The following NIPAL3 variants were observed in gnomAD, a reference collection of about 807,000 sequenced individuals.
The protein encoded by NIPAL3 is NIPA like domain containing 3.
Under a neutral mutation model 47.2 loss-of-function variants are expected in NIPAL3, and 41 were observed. The observed-to-expected ratio is 0.87, with a 90% CI of 0.68 to 1.13. The LOEUF is 1.13. Ranked by LOEUF, NIPAL3 falls within the 50% of genes most tolerant of loss-of-function variation. NIPAL3 has a pLI of 0.00. For synonymous variants in NIPAL3, 194 were observed against 209.6 expected (o/e 0.93, Z 0.64); for missense variants, 449 against 530.1 (o/e 0.85, Z 1.50).
intron 5 of NIPAL3, 107 bp downstream of exon 5, chr1:24,445,351 C>G: frequency 1.3e-6 from 1 of 783,252 alleles, no homozygotes; most frequent in Non-Finnish European, 2.1e-6. Context: ...CTGCTGTCCT[C>G]TGTGGTTCTA....
At chr1:24,427,712 T>G (rs1644660026) in intron 2 of NIPAL3, among the ~76,000 whole-genome samples, 1 of 152,120 alleles carries the variant, frequency 6.6e-6, no homozygotes, top group Non-Finnish European at 1.5e-5. Flanking sequence ...TCTCATAGTG[T>G]TGTTTGTGGC....
In NIPAL3 at chr1:24,454,205, A is replaced by C; in HGVS notation, c.637+701A>C. On this transcript the variant is annotated intron_variant, in intron 7 of 11. Transcript: ENST00000374399. The surrounding 1 kb of genome is among the most constrained non-coding windows in gnomAD (Gnocchi z 4.1). The stretch of plus-strand genomic sequence containing the variant: ...CTGTACCTGGCTAGAACTGCATATA[A>C]TTTTATAGCTAAATAGAGCTGTGGG... 1 of 1,195,092 alleles carries C rather than the reference A, an allele frequency of 8.4e-7. No individual in the cohort carries two copies. The highest frequency in any genetic ancestry group is 5.9e-5 in the East Asian group (1 of 16,862). The allele number at this position is 1,195,092 out of a possible 1,614,324, so 74.0% of individuals were successfully genotyped here.
At position 24,451,970 on chromosome 1, in the gene NIPAL3, C is replaced by A. The variant is rs139466678; in HGVS notation, c.541-1438C>A. Among the ~76,000 whole-genome samples the A allele has an allele frequency of 6.6e-6, 1 of 152,156 alleles. No individual in the cohort carries two copies. Among genetic ancestry groups the A allele is most frequent in the Middle Eastern group, 3.4e-3 (1 of 294 alleles). On this transcript the variant is annotated intron_variant, in intron 6 of 11. Transcript: ENST00000374399. The surrounding 1 kb of genome is among the most constrained non-coding windows in gnomAD (Gnocchi z 4.5). ...CACTGGAACAAAGACAAAGAAGAAA[C>A]GGGGAAATGAAAGCAGCTGTGTTTT...
chr1:24,429,790 A>G (rs533354325), intron 2 of NIPAL3, among the ~76,000 whole-genome samples: 1 of 152,308 alleles, frequency 6.6e-6, no homozygotes, highest in African/African-American at 2.4e-5. Context: ...ATTGCAATTC[A>G]GTTTGCTTAC....
At chr1:24,423,023 C>G (rs1644404045) in intron 2 of NIPAL3, among the ~76,000 whole-genome samples, 1 of 152,220 alleles carries the variant, frequency 6.6e-6, no homozygotes, top group Admixed American at 6.5e-5. Flanking sequence ...CCTTGTGCCC[C>G]TGCTAGTCAC....
At chr1:24,422,149 C>T (rs533163278) in intron 2 of NIPAL3, 39 of 152,368 alleles carry the variant, frequency 2.6e-4, no homozygotes, top group African/African-American at 5.8e-4. Flanking sequence ...GACTCTGCCT[C>T]ACCAAGCAAA....
intron 2 of NIPAL3, 40 bp from the exon 3 acceptor site, chr1:24,440,132 G>C (rs765673765): frequency 6.7e-7 from 1 of 1,490,714 alleles, no homozygotes; most frequent in Non-Finnish European, 9.0e-7. Context: ...CCCCTGGCTT[G>C]TGCCCAAATC....
chr1:24,430,068 A>G (rs1434262772), intron 2 of NIPAL3, among the ~76,000 whole-genome samples: 1 of 152,188 alleles, frequency 6.6e-6, no homozygotes, highest in Non-Finnish European at 1.5e-5. Context: ...TTTAAAAATT[A>G]ATTTCTGTAT....
At chr1:24,436,095 A>T (rs1258394685) in intron 2 of NIPAL3, among the ~76,000 whole-genome samples, 1 of 152,150 alleles carries the variant, frequency 6.6e-6, no homozygotes, top group Non-Finnish European at 1.5e-5. Flanking sequence ...TCCCAAAGGC[A>T]CCACCTCCTA....
At chr1:24,467,211 C>T (rs1392626972) in intron 11 of NIPAL3, among the ~76,000 whole-genome samples, 2 of 152,140 alleles carry the variant, frequency 1.3e-5, no homozygotes, top group African/African-American at 4.8e-5. Flanking sequence ...CGCCTGTAAT[C>T]CCAGCATTTT....
At chr1:24,415,782 TGCA>T, upstream of NIPAL3, 1 of 951,988 alleles carries the variant, frequency 1.1e-6, no homozygotes, top group Non-Finnish European at 1.3e-6. Flanking sequence ...AGCAAAACAC[TGCA>T]GCATCTTGGC....
intron 3 of NIPAL3, among the ~76,000 whole-genome samples, chr1:24,441,158 C>T (rs1645364989): frequency 6.6e-6 from 1 of 152,198 alleles, no homozygotes; most frequent in Non-Finnish European, 1.5e-5. Context: ...TGCCCAGCTT[C>T]TGCCTGCAGT....
intron 2 of NIPAL3, among the ~76,000 whole-genome samples, chr1:24,426,013 C>T (rs1283629198): frequency 6.6e-6 from 1 of 152,174 alleles, no homozygotes; most frequent in Non-Finnish European, 1.5e-5. Flanking sequence ...ACTTATAGAA[C>T]AGGAACTGTG....
chr1:24,418,761 A>C (rs1192285406), intron 1 of NIPAL3, among the ~76,000 whole-genome samples: 5 of 152,188 alleles, frequency 3.3e-5, no homozygotes, highest in African/African-American at 4.8e-5. Flanking sequence ...ACCTGGTCAC[A>C]CAGGTTTTCC....
rs1645951507 is a variant in NIPAL3, at chr1:24,451,845, T to G, written c.541-1563T>G. ...ATTCTGCAGCAATTAAAGATAATTA[T>G]GACAACTTCACAAAACATGAAGATT... On this transcript the variant is annotated intron_variant, in intron 6 of 11. Transcript: ENST00000374399. The surrounding 1 kb of genome is among the most constrained non-coding windows in gnomAD (Gnocchi z 4.5). 6.6e-6 allele frequency among the ~76,000 whole-genome samples: 1 copy of G among 152,188 alleles called. No individual in the cohort carries two copies.
At chr1:24,422,240 T>A (rs1401941093) in intron 2 of NIPAL3, 3 of 152,222 alleles carry the variant, frequency 2.0e-5, no homozygotes, top group African/African-American at 7.2e-5. Flanking sequence ...AAGCCTGTTG[T>A]TTCCCCTTCC....
rs1646076818 is a variant in NIPAL3, at chr1:24,454,101, T to C, written c.637+597T>C. 7.3e-6 allele frequency: 7 copies of C among 961,484 alleles called. No individual in the cohort carries two copies. Among genetic ancestry groups the C allele is most frequent in the Non-Finnish European group, 1.0e-5 (7 of 695,524 alleles). The allele number at this position is 961,484 out of a possible 1,614,324, so 59.6% of individuals were successfully genotyped here. A position where few individuals can be genotyped will look rare whatever the true frequency, so the allele number is the denominator to read the frequency against. On this transcript the variant is annotated intron_variant, in intron 7 of 11. Coordinates refer to ENST00000374399, the MANE Select transcript of NIPAL3 (RefSeq NM_020448.5). The surrounding 1 kb of genome is among the most constrained non-coding windows in gnomAD (Gnocchi z 4.1). ...GAGTGCAGTGGTACAATCTTAGCTC[T>C]CTGCAGCCTTGACCTCCTGGCCTCA... is the stretch of plus-strand genomic sequence containing the variant.
At chr1:24,427,627 T>C (rs1644655820) in intron 2 of NIPAL3, among the ~76,000 whole-genome samples, 1 of 152,072 alleles carries the variant, frequency 6.6e-6, no homozygotes, top group Non-Finnish European at 1.5e-5. Flanking sequence ...ATGGAGACAG[T>C]CTGGAGGAGT....
At chr1:24,462,549 T>A (rs994802602) in intron 10 of NIPAL3, among the ~76,000 whole-genome samples, 3 of 151,792 alleles carry the variant, frequency 2.0e-5, no homozygotes, top group Admixed American at 2.0e-4. Context: ...GGAGGATCAC[T>A]TGAGGTCAGG....
Sources: allele counts gnomAD v4.1 joint callset (sites outside exome capture counted in the v4.1 genomes callset), GRCh38; gene constraint gnomAD v4.1.1; non-coding constraint Gnocchi (gnomAD v3.1); transcripts MANE v1.5; gene names NCBI Gene and HGNC (gene_info 2026-07-23, HGNC 2026-07-21).